KIAA1217: variants seen among roughly 807,000 people sequenced by gnomAD.
KIAA1217 encodes the protein sickle tail protein homolog.
In KIAA1217, 88 loss-of-function variants were observed where a neutral mutation model predicts 163.9. That is an observed-to-expected ratio of 0.54 (90% CI 0.45 to 0.64). KIAA1217 has a LOEUF of 0.64. KIAA1217 is among the 30% of genes least tolerant of loss of function. The pLI is 0.00. For missense variants in KIAA1217, 2,372 were observed against 2,475.0 expected, an observed-to-expected ratio of 0.96 and a Z score of 0.88; for synonymous variants, 903 against 923.1, an observed-to-expected ratio of 0.98 and a Z score of 0.39.
Position 24,349,132 on chromosome 10 carries a change from CAAAAAAAAAAAA to C in KIAA1217, c.355-31727_355-31716del, listed in dbSNP as rs11318554. Among the ~76,000 whole-genome samples the C allele has an allele frequency of 6.6e-5, 7 of 105,536 alleles. No homozygotes were observed. The East Asian group carries it at 1.1e-3, about 17-fold the overall frequency. The allele number at this position is 105,536 out of a possible 152,430, so 69.2% of individuals were successfully genotyped here. ...AGGGCAACAGAATAAGACCCTGTCT[CAAAAAAAAAAAA>C]AAAAAAAAAGAGAGATTGAGATCTG... On this transcript the variant is annotated intron_variant, in intron 2 of 20. Coordinates refer to ENST00000376454, the MANE Select transcript of KIAA1217 (RefSeq NM_019590.5).
intron 1 of KIAA1217, among the ~76,000 whole-genome samples, chr10:23,796,886 T>G (rs10828547): frequency 0.18 from 27,718 of 152,054 alleles, 2,677 homozygotes; most frequent in Middle Eastern, 0.28. Flanking sequence ...AAGGTCTCAC[T>G]TTGCCACCCA....
chr10:24,173,198 G>T (rs540441147), intron 2 of KIAA1217, among the ~76,000 whole-genome samples: 12 of 152,102 alleles, frequency 7.9e-5, no homozygotes, highest in Non-Finnish European at 1.5e-4. Context: ...AGCATTTGAG[G>T]GATGTAAGTT....
At chr10:24,101,049 A>G (rs534574563) in intron 2 of KIAA1217, among the ~76,000 whole-genome samples, 3 of 152,164 alleles carry the variant, frequency 2.0e-5, no homozygotes, top group African/African-American at 7.2e-5. Flanking sequence ...CTTTTTCTCA[A>G]CAAAACAAAA....
rs2060931057 is a variant in KIAA1217, at chr10:24,066,060, G to A, written c.-171+58686G>A. On this transcript the variant is annotated intron_variant, in intron 2 of 18. Transcript: ENST00000376462. ...TCTCTGCACATGAGATGGTTTTCCT[G>A]AATACAGCACACTGATGAGTCTTGA... 2.0e-5 allele frequency among the ~76,000 whole-genome samples: 3 copies of A among 152,148 alleles called. 1 individual carries two copies. The South Asian group carries it at 6.2e-4, about 32-fold the overall frequency.
intron 2 of KIAA1217, among the ~76,000 whole-genome samples, chr10:24,072,621 G>A (rs1589393604): frequency 6.6e-6 from 1 of 152,268 alleles, no homozygotes; most frequent in East Asian, 1.9e-4. Context: ...GGATCACTAA[G>A]TCCTTCAAAG....
intron 1 of KIAA1217, among the ~76,000 whole-genome samples, chr10:23,943,387 A>T (rs1843865685): frequency 6.6e-6 from 1 of 152,222 alleles, no homozygotes; most frequent in Non-Finnish European, 1.5e-5. Flanking sequence ...ATTTTAAATA[A>T]AAAGTAGCTA....
rs530459362 is a variant in KIAA1217 at position 24,258,978 on chromosome 10, C to A, written c.354+39069C>A. Among the ~76,000 whole-genome samples the A allele has an allele frequency of 5.9e-4, 90 of 152,230 alleles. 1 individual carries two copies. Among genetic ancestry groups the A allele is most frequent in the African/African-American group, 2.1e-3 (89 of 41,546 alleles). Reference sequence around the variant, plus strand: ...ACTATTTCCAGCAAGCTCTTTGTCCCTCAAAGCCCAGGGATCAGGGGCAGC... The same window carrying A: ...ACTATTTCCAGCAAGCTCTTTGTCCATCAAAGCCCAGGGATCAGGGGCAGC... On this transcript the variant is annotated intron_variant, in intron 2 of 20. Coordinates refer to ENST00000376454, the MANE Select transcript of KIAA1217 (RefSeq NM_019590.5).
chr10:24,531,229 TTTAA>T (rs2073073549), intron 14 of KIAA1217, among the ~76,000 whole-genome samples: 1 of 152,120 alleles, frequency 6.6e-6, no homozygotes, highest in African/African-American at 2.4e-5. Flanking sequence ...AAAAAATTTG[TTTAA>T]TTAAAAAAAT....
At chr10:23,860,118 C>T (rs1407926162) in intron 1 of KIAA1217, among the ~76,000 whole-genome samples, 1 of 152,126 alleles carries the variant, frequency 6.6e-6, no homozygotes, top group African/African-American at 2.4e-5. Context: ...GCCTCCTCTT[C>T]AGAGCAGGGA....
At chr10:24,039,825 GATAT>G (rs1432510989) in intron 2 of KIAA1217, among the ~76,000 whole-genome samples, 2 of 151,532 alleles carry the variant, frequency 1.3e-5, no homozygotes, top group South Asian at 4.2e-4. Context: ...TATAGATATA[GATAT>G]AGATATAGAT....
At chr10:24,428,065 C>G (rs1220206614) in intron 3 of KIAA1217, among the ~76,000 whole-genome samples, 1 of 152,078 alleles carries the variant, frequency 6.6e-6, no homozygotes, top group Admixed American at 6.5e-5. Context: ...TTTTCCTGCT[C>G]CAGAGACTAC....
chr10:23,934,002 C>A (rs7088345), intron 1 of KIAA1217, among the ~76,000 whole-genome samples: 1,568 of 152,100 alleles, frequency 0.01, 28 homozygotes, highest in African/African-American at 0.036. Flanking sequence ...GATCTAGAAC[C>A]GGAAATACCA....
At chr10:24,171,866 A>G (rs1158410942) in intron 2 of KIAA1217, among the ~76,000 whole-genome samples, 1 of 152,224 alleles carries the variant, frequency 6.6e-6, no homozygotes, top group African/African-American at 2.4e-5. Flanking sequence ...CCATAATCAA[A>G]AATCATAGCA....
intron 2 of KIAA1217, among the ~76,000 whole-genome samples, chr10:24,234,068 A>G (rs566706910): frequency 6.5e-4 from 99 of 152,090 alleles, no homozygotes; most frequent in Non-Finnish European, 6.3e-4. Context: ...GGTATGCCTT[A>G]TCATTCATTT....
At chr10:24,048,921 C>T (rs373009865) in intron 2 of KIAA1217, among the ~76,000 whole-genome samples, 1 of 150,352 alleles carries the variant, frequency 6.7e-6, no homozygotes. Flanking sequence ...ATTCCAGCTA[C>T]TCAGGTGGCT....
intron 2 of KIAA1217, among the ~76,000 whole-genome samples, chr10:24,291,142 C>A (rs1377045049): frequency 6.6e-6 from 1 of 152,162 alleles, no homozygotes; most frequent in Non-Finnish European, 1.5e-5. Context: ...TTGTGGACAA[C>A]AAAGACCCAC....
intron 2 of KIAA1217, among the ~76,000 whole-genome samples, chr10:24,034,656 C>T (rs537182116): frequency 3.9e-5 from 6 of 151,916 alleles, no homozygotes; most frequent in South Asian, 2.1e-4. Flanking sequence ...GATCAGGAGG[C>T]GGGGCAAAGG....
intron 1 of KIAA1217, among the ~76,000 whole-genome samples, chr10:23,751,341 A>G (rs1839728355): frequency 1.3e-5 from 2 of 152,132 alleles, no homozygotes; most frequent in African/African-American, 2.4e-5. Context: ...ATTTTCTACA[A>G]TACCATGTGA....
At chr10:24,466,779 C>T (rs1397844616) in intron 5 of KIAA1217, 11 of 985,242 alleles carry the variant, frequency 1.1e-5, no homozygotes, top group Non-Finnish European at 1.3e-5. Context: ...CAGGTGATTT[C>T]CTTAAGAAAA....
Sources: gnomAD v4.1 joint callset for allele counts (sites outside exome capture counted in the v4.1 genomes callset) on GRCh38, gnomAD v4.1.1 for gene constraint, MANE v1.5 for transcripts, NCBI Gene and HGNC (gene_info 2026-07-23, HGNC 2026-07-21) for gene names.